Variants in PARD3 observed in about 807,000 individuals in gnomAD.
The protein encoded by PARD3 is partitioning defective 3 homolog.
Under a neutral mutation model 155.4 loss-of-function variants are expected in PARD3, and 75 were observed. The observed-to-expected ratio is 0.48, with a 90% confidence interval of 0.40 to 0.58. The LOEUF (loss-of-function observed/expected upper bound fraction) is 0.58, where lower values mean the gene tolerates loss of function less well. Ranked by LOEUF, PARD3 falls within the 20% of genes least tolerant of loss-of-function variation. The probability of loss-of-function intolerance (pLI) is 0.00; values close to 1 mark genes in which losing one functional copy is unlikely to be tolerated. For missense variants in PARD3, 1,642 were observed against 1,721.7 expected (o/e 0.95, Z 0.82); for synonymous variants, 576 against 610.5 (o/e 0.94, Z 0.83).
At chr10:34,467,731 G>A (rs1026582035) in intron 4 of PARD3, among the ~76,000 whole-genome samples, 14 of 152,114 alleles carry the variant, frequency 9.2e-5, no homozygotes, top group Non-Finnish European at 1.9e-4. Context: ...GGGTGACAAA[G>A]CAAGACCCCA....
chr10:34,725,105 T>TGTGTGTG (rs2094679434), intron 1 of PARD3, among the ~76,000 whole-genome samples: 36 of 135,878 alleles, frequency 2.6e-4, no homozygotes, highest in African/African-American at 9.5e-4. Flanking sequence ...AGTCAAAACT[T>TGTGTGTG]TGTGTGTGTG....
At chr10:34,745,895 T>A (rs879340846) in intron 1 of PARD3, among the ~76,000 whole-genome samples, 6 of 152,054 alleles carry the variant, frequency 3.9e-5, no homozygotes, top group Non-Finnish European at 5.9e-5. Context: ...GGTCAGGAGA[T>A]CGAGACCATC....
chr10:34,410,598 T>C (rs535138703), intron 5 of PARD3, among the ~76,000 whole-genome samples: 1 of 152,300 alleles, frequency 6.6e-6, no homozygotes, highest in East Asian at 1.9e-4. Flanking sequence ...CAAACTACTT[T>C]CTAAAATGAC....
At chr10:34,632,783 A>G (rs1455509211) in intron 2 of PARD3, among the ~76,000 whole-genome samples, 1 of 152,250 alleles carries the variant, frequency 6.6e-6, no homozygotes, top group Non-Finnish European at 1.5e-5. Flanking sequence ...CCTTCATCAA[A>G]GCATCTGTAA....
At chr10:34,353,101 C>T (rs1259546899) in intron 14 of PARD3, among the ~76,000 whole-genome samples, 1 of 151,972 alleles carries the variant, frequency 6.6e-6, no homozygotes, top group Non-Finnish European at 1.5e-5. Flanking sequence ...AGGAGCCCCT[C>T]CGCCCAGCAG....
chr10:34,325,095 C>G (rs979687250), intron 19 of PARD3, among the ~76,000 whole-genome samples: 2 of 152,086 alleles, frequency 1.3e-5, no homozygotes, highest in Non-Finnish European at 2.9e-5. Context: ...CTGCAACCTC[C>G]GCCTCCCGGG....
intron 22 of PARD3, among the ~76,000 whole-genome samples, chr10:34,227,433 C>T (rs1368834744): frequency 2.0e-5 from 3 of 152,202 alleles, no homozygotes; most frequent in African/African-American, 2.4e-5. Flanking sequence ...GTCAGGAGTT[C>T]GACACCAGCC....
At chr10:34,181,378 T>C (rs1245975767) in intron 22 of PARD3, among the ~76,000 whole-genome samples, 3 of 152,192 alleles carry the variant, frequency 2.0e-5, no homozygotes, top group Admixed American at 2.0e-4. Flanking sequence ...AATACGTATC[T>C]GTATAACGAC....
intron 22 of PARD3, among the ~76,000 whole-genome samples, chr10:34,240,578 GC>G (rs1953518629): frequency 6.6e-6 from 1 of 152,090 alleles, no homozygotes; most frequent in African/African-American, 2.4e-5. Context: ...TGACAGACAG[GC>G]TTTTAATTAT....
At chr10:34,718,195 T>C (rs2094550652) in intron 1 of PARD3, among the ~76,000 whole-genome samples, 2 of 144,346 alleles carry the variant, frequency 1.4e-5, no homozygotes, top group Admixed American at 6.9e-5. Flanking sequence ...AAGCCATAGG[T>C]ATATGAAAAG....
At chr10:34,279,362 C>G (rs1302917810) in intron 21 of PARD3, among the ~76,000 whole-genome samples, 1 of 151,850 alleles carries the variant, frequency 6.6e-6, no homozygotes, top group Non-Finnish European at 1.5e-5. Context: ...AGCAGGTTAA[C>G]AGATTCTTAA....
intron 22 of PARD3, among the ~76,000 whole-genome samples, chr10:34,213,769 C>T (rs1951868477): frequency 6.6e-6 from 1 of 152,162 alleles, no homozygotes; most frequent in African/African-American, 2.4e-5. Flanking sequence ...GTGACGTGGG[C>T]AGTGCTGCTC....
chr10:34,773,150 G>T (rs1839108974), intron 1 of PARD3, among the ~76,000 whole-genome samples: 2 of 152,098 alleles, frequency 1.3e-5, no homozygotes, highest in Admixed American at 6.5e-5. Flanking sequence ...CTTTGATGAG[G>T]AATTTAATTA....
At chr10:34,115,838 G>A (rs995359875) in intron 24 of PARD3, among the ~76,000 whole-genome samples, 27 of 151,114 alleles carry the variant, frequency 1.8e-4, no homozygotes, top group Non-Finnish European at 3.2e-4. Context: ...TCAGCCTCCC[G>A]AGTAGCTGGG....
rs374258573 is a variant in PARD3, at chr10:34,284,207, G to A, written c.3104C>T (p.Thr1035Met). The A allele has an allele frequency of 3.9e-5, 62 of 1,608,538 alleles. No homozygotes were observed. Among genetic ancestry groups the A allele is most frequent in the African/African-American group, 2.1e-4 (16 of 74,660 alleles). ...GGATTCCTGTATTTTTATTTTACCC[G>A]TTTTCTCAATCTTGTCATCTTTTCG... ...KHRKDDKIEKTGKIKIQESFT... is the reference protein window; with the variant it reads ...KHRKDDKIEKMGKIKIQESFT... Residue 1035 changes from threonine (T) to methionine (M), a missense_variant, in exon 21 of 25, where the codon ACG becomes ATG. By Grantham distance (81) the Thr-to-Met change is moderately conservative (BLOSUM62 -1). Around this residue, in one of 3 missense-constraint regions of PARD3, gnomAD observed 1,529 missense variants for 1,587.3 expected, o/e 0.96. Coordinates refer to ENST00000374788, the MANE Select transcript of PARD3 (RefSeq NM_001184785.2).
intron 2 of PARD3, among the ~76,000 whole-genome samples, chr10:34,607,174 C>T (rs1474157399): frequency 6.6e-6 from 1 of 152,060 alleles, no homozygotes; most frequent in Non-Finnish European, 1.5e-5. Context: ...ACTGACAGAG[C>T]TTCACCCTAT....
At chr10:34,487,094 C>CTGAA (rs1211063491) in intron 3 of PARD3, among the ~76,000 whole-genome samples, 2 of 152,034 alleles carry the variant, frequency 1.3e-5, no homozygotes, top group Non-Finnish European at 2.9e-5. Flanking sequence ...CCTCTGTGAG[C>CTGAA]TGAACAATGT....
intron 2 of PARD3, among the ~76,000 whole-genome samples, chr10:34,652,465 G>A (rs191059293): frequency 1.9e-4 from 29 of 152,310 alleles, no homozygotes; most frequent in East Asian, 1.5e-3. Flanking sequence ...CAGGGAATGC[G>A]TCTAGTTTGA....
intron 2 of PARD3, among the ~76,000 whole-genome samples, chr10:34,619,411 G>A (rs1260616924): frequency 6.6e-6 from 1 of 151,978 alleles, no homozygotes; most frequent in Non-Finnish European, 1.5e-5. Context: ...AAATTGTGTT[G>A]TTCTCTCTTC....
Sources: allele counts gnomAD v4.1 joint callset (sites outside exome capture counted in the v4.1 genomes callset), GRCh38; gene constraint gnomAD v4.1.1; regional missense constraint gnomAD v4.1.1; transcripts MANE v1.5; gene names NCBI Gene and HGNC (gene_info 2026-07-23, HGNC 2026-07-21).